ESRRG: variants seen among roughly 807,000 people sequenced by gnomAD.
ESRRG encodes estrogen-related receptor gamma.
ESRRG carries 13 observed loss-of-function variants against 44.0 expected under a neutral mutation model. That is an observed-to-expected ratio of 0.30 (90% CI 0.19 to 0.47). ESRRG has a LOEUF of 0.47. Among genes scored for constraint, ESRRG ranks in the 20% least tolerant of loss-of-function variants. The pLI, the probability that ESRRG is intolerant of heterozygous loss-of-function variation, is 1.00. For missense variants in ESRRG, 395 were observed against 580.6 expected, an observed-to-expected ratio of 0.68 and a Z score of 3.29; for synonymous variants, 215 against 214.6, an observed-to-expected ratio of 1.00 and a Z score of -0.02.
upstream of ESRRG, chr1:217,090,481 G>C (rs533610403): frequency 1.3e-5 from 2 of 152,228 alleles, no homozygotes; most frequent in African/African-American, 4.8e-5. Context: ...ATCCACCCAG[G>C]GCCAGACACT....
chr1:216,767,904 C>A (rs986889730), intron 2 of ESRRG, among the ~76,000 whole-genome samples: 1 of 152,076 alleles, frequency 6.6e-6, no homozygotes, highest in African/African-American at 2.4e-5. Context: ...GACAGTAACC[C>A]ATTAGGAAGC....
At chr1:216,957,329 C>A (rs1287475985) in intron 1 of ESRRG, among the ~76,000 whole-genome samples, 1 of 152,132 alleles carries the variant, frequency 6.6e-6, no homozygotes, top group East Asian at 1.9e-4. Context: ...ATAACCTTAG[C>A]CAAGATGTCT....
chr1:216,987,514 G>A (rs2075060833), intron 1 of ESRRG, among the ~76,000 whole-genome samples: 1 of 152,188 alleles, frequency 6.6e-6, no homozygotes, highest in African/African-American at 2.4e-5. Context: ...CCTCTTTGAG[G>A]TGAAATCAAA....
chr1:217,035,219 C>T (rs1389892372), intron 1 of ESRRG, among the ~76,000 whole-genome samples: 2 of 150,572 alleles, frequency 1.3e-5, no homozygotes, highest in East Asian at 4.0e-4. Context: ...GGTGCAGTGG[C>T]TCACACCTGA....
chr1:216,894,330 G>T (rs893240755), intron 2 of ESRRG, among the ~76,000 whole-genome samples: 2 of 152,070 alleles, frequency 1.3e-5, no homozygotes, highest in Non-Finnish European at 2.9e-5. Flanking sequence ...CTCTTTTAAA[G>T]GTCTTTGGTC....
At chr1:216,883,078 C>G (rs1209506140) in intron 2 of ESRRG, among the ~76,000 whole-genome samples, 1 of 152,056 alleles carries the variant, frequency 6.6e-6, no homozygotes, top group Non-Finnish European at 1.5e-5. Context: ...AGGGTTTGCT[C>G]TTAAGATACT....
rs1483836332 is a variant in ESRRG at position 216,693,598 on chromosome 1, G to A, written c.57-16107C>T. On this transcript the variant is annotated intron_variant, in intron 1 of 6. Transcript: ENST00000408911. ...TTCCCATATACTTTAAATCATCTCTGGATTATTCGTAATACCTAATACAAC... is the reference window on the plus strand; with the variant it reads ...TTCCCATATACTTTAAATCATCTCTAGATTATTCGTAATACCTAATACAAC... Among the ~76,000 whole-genome samples the A allele has an allele frequency of 2.6e-5, 4 of 152,040 alleles. No homozygotes were observed. The East Asian group carries it at 7.7e-4, about 29-fold the overall frequency.
chr1:216,894,877 C>T (rs943427625), intron 2 of ESRRG, among the ~76,000 whole-genome samples: 1 of 152,106 alleles, frequency 6.6e-6, no homozygotes, highest in Non-Finnish European at 1.5e-5. Flanking sequence ...TTAGTCTGTT[C>T]TATCCTGATT....
intron 2 of ESRRG, among the ~76,000 whole-genome samples, chr1:216,885,548 AT>A (rs35507835): frequency 0.039 from 5,538 of 143,722 alleles, 386 homozygotes; most frequent in East Asian, 0.27. Context: ...TTCTCCCACT[AT>A]TTTTTTTTTA....
intron 3 of ESRRG, among the ~76,000 whole-genome samples, chr1:216,625,001 C>A (rs146635377): frequency 0.014 from 2,123 of 152,158 alleles, 24 homozygotes; most frequent in Non-Finnish European, 0.023. Flanking sequence ...CCTCATTGAA[C>A]CTTCATTCAA....
intron 1 of ESRRG, among the ~76,000 whole-genome samples, chr1:217,002,585 G>A (rs1433325298): frequency 6.6e-6 from 1 of 152,082 alleles, no homozygotes; most frequent in East Asian, 1.9e-4. Context: ...TGAATAAACA[G>A]TAAATCACAG....
At chr1:217,014,351 G>T (rs2079046704) in intron 1 of ESRRG, among the ~76,000 whole-genome samples, 1 of 152,048 alleles carries the variant, frequency 6.6e-6, no homozygotes. Context: ...TTTAAAAATA[G>T]TATAAGTGCC....
At chr1:216,755,516 A>G in intron 2 of ESRRG, among the ~76,000 whole-genome samples, 1 of 152,200 alleles carries the variant, frequency 6.6e-6, no homozygotes, top group South Asian at 2.1e-4. Flanking sequence ...TGTTATATTC[A>G]ATAGCATATT....
intron 2 of ESRRG, among the ~76,000 whole-genome samples, chr1:216,935,693 T>C (rs1437071393): frequency 6.6e-6 from 1 of 152,000 alleles, no homozygotes; most frequent in Non-Finnish European, 1.5e-5. Flanking sequence ...CTTGGGTCAC[T>C]GCAACCTCTG....
At chr1:216,856,542 T>C (rs2095944539) in intron 2 of ESRRG, among the ~76,000 whole-genome samples, 1 of 152,110 alleles carries the variant, frequency 6.6e-6, no homozygotes, top group African/African-American at 2.4e-5. Flanking sequence ...AAAAACCAAA[T>C]CCACTCCTTA....
At chr1:217,030,495 G>A (rs2081920219) in intron 1 of ESRRG, among the ~76,000 whole-genome samples, 1 of 152,190 alleles carries the variant, frequency 6.6e-6, no homozygotes, top group Non-Finnish European at 1.5e-5. Flanking sequence ...ATAGTATGAG[G>A]TCTGCTGCTA....
At chr1:216,758,295 T>A (rs370812872) in intron 2 of ESRRG, among the ~76,000 whole-genome samples, 2 of 152,188 alleles carry the variant, frequency 1.3e-5, no homozygotes, top group South Asian at 2.1e-4. Context: ...AGGGCCTCCG[T>A]CTGTTTAATG....
At chr1:216,704,237 G>C (rs896964373) in intron 1 of ESRRG, among the ~76,000 whole-genome samples, 2 of 152,264 alleles carry the variant, frequency 1.3e-5, no homozygotes, top group South Asian at 2.1e-4. Context: ...AATTCGGCTG[G>C]GCGCGGTGGC....
At chr1:216,686,255 T>C (rs1042555406) in intron 1 of ESRRG, 3 of 151,888 alleles carry the variant, frequency 2.0e-5, no homozygotes, top group Non-Finnish European at 2.9e-5. Context: ...TCCTAAAAAT[T>C]CCTCCTCTAT....
Sources: allele counts gnomAD v4.1 joint callset (sites outside exome capture counted in the v4.1 genomes callset), GRCh38; gene constraint gnomAD v4.1.1; transcripts MANE v1.5; gene names NCBI Gene and HGNC (gene_info 2026-07-23, HGNC 2026-07-21).